The following RTP1 variants were observed in gnomAD, a reference collection of about 807,000 sequenced individuals.
RTP1 encodes the protein receptor transporter protein 1.
In RTP1, 24 loss-of-function variants were observed where a neutral mutation model predicts 27.1. The observed-to-expected ratio is 0.89, with a 90% CI of 0.64 to 1.25. The LOEUF (loss-of-function observed/expected upper bound fraction) is 1.25. RTP1 is among the 50% of genes most tolerant of loss of function. RTP1 has a pLI of 0.00. For synonymous variants in RTP1, 148 were observed against 148.1 expected (o/e 1.00, Z 0.00); for missense variants, 338 against 351.6 (o/e 0.96, Z 0.31).
chr3:187,200,181 T>C lies in RTP1; in HGVS notation c.*111T>C, dbSNP rs1164135476. The C allele has an allele frequency of 2.1e-6, 2 of 932,754 alleles. No homozygotes were observed. Among genetic ancestry groups the C allele is most frequent in the Non-Finnish European group, 3.0e-6 (2 of 661,800 alleles). The allele number at this position is 932,754 out of a possible 1,614,324, so 57.8% of individuals were successfully genotyped here. A position where few individuals can be genotyped will look rare whatever the true frequency, so the allele number is the denominator to read the frequency against. ...AAACTTCTAGCGCTGGTGATGTCAC[T>C]GACTCAGTGGGGATCTTGGACAAAT... is the stretch of plus-strand genomic sequence containing the variant. On this transcript the variant is annotated 3_prime_UTR_variant, in exon 2 of 2. Coordinates refer to ENST00000312295, the MANE Select transcript of RTP1 (RefSeq NM_153708.3).
rs1721666184 is a variant in RTP1 at position 187,199,592 on chromosome 3, A to G, written c.314A>G (p.Tyr105Cys). The G allele has an allele frequency of 6.2e-7, 1 of 1,604,892 alleles. No homozygotes were observed. Among genetic ancestry groups the G allele is most frequent in the Non-Finnish European group, 8.5e-7 (1 of 1,172,876 alleles). The change falls in exon 2 of 2, where the codon TAC (tyrosine) becomes TGC (cysteine). Residue 105 changes from tyrosine (Y) to cysteine (C), a missense_variant. Physicochemically the swap from Tyr to Cys is radical, Grantham distance 194. Around this residue, in one of 3 missense-constraint regions of RTP1, gnomAD observed 252 missense variants for 231.5 expected, o/e 1.09. Transcript: ENST00000312295. ...SWCWHTWQSP[Y>C]VVILFHMFLD... ...TGCTGGCACACCTGGCAGTCGCCCTACGTGGTCATCCTCTTCCACATGTTC... is the reference window on the plus strand; with the variant it reads ...TGCTGGCACACCTGGCAGTCGCCCTGCGTGGTCATCCTCTTCCACATGTTC...
In RTP1 at chr3:187,199,720, G is replaced by A. The variant is rs780588887; in HGVS notation, c.442G>A (p.Glu148Lys). The A allele has an allele frequency of 1.9e-6, 3 of 1,613,438 alleles. No homozygotes were observed. Among genetic ancestry groups the A allele is most frequent in the Middle Eastern group, 1.6e-4 (1 of 6,062 alleles). Reference protein sequence around the residue: ...ARLDESSMLEENIEGLVDNLI... With the variant: ...ARLDESSMLEKNIEGLVDNLI... ...GCTGGACGAGTCCAGCATGCTGGAGGAGAACATCGAGGGCCTGGTGGACAA... is the reference window on the plus strand; with the variant it reads ...GCTGGACGAGTCCAGCATGCTGGAGAAGAACATCGAGGGCCTGGTGGACAA... The change falls in exon 2 of 2, where the codon GAG (glutamate) becomes AAG (lysine). Residue 148 changes from glutamate (E) to lysine (K), a missense_variant. Coordinates refer to ENST00000312295, the MANE Select transcript of RTP1 (RefSeq NM_153708.3).
At chr3:187,198,449 T>C (rs1198906692) in intron 1 of RTP1, 3 of 152,350 alleles carry the variant, frequency 2.0e-5, no homozygotes, top group Non-Finnish European at 2.9e-5. Flanking sequence ...AGAAGAGTTC[T>C]AGGTGATTAG....
chr3:187,199,378 A>T, intron 1 of RTP1, 173 bp from the exon 2 acceptor site: 1 of 632,864 alleles, frequency 1.6e-6, no homozygotes, highest in Non-Finnish European at 2.7e-6. Context: ...TCCTAGGGGC[A>T]CTTGCAAGGC....
At chr3:187,199,270 C>T (rs1025446558) in intron 1 of RTP1, 5 of 436,048 alleles carry the variant, frequency 1.1e-5, no homozygotes, top group African/African-American at 5.8e-5. Context: ...ATAAGAATGA[C>T]GCCCAATGCT....
At position 187,199,779 on chromosome 3, in the gene RTP1, C is replaced by T. The variant is rs189472632; in HGVS notation, c.501C>T (p.Gly167=). The T allele has an allele frequency of 1.1e-5, 17 of 1,613,284 alleles. No individual in the cohort carries two copies. Among genetic ancestry groups the T allele is most frequent in the African/African-American group, 9.3e-5 (7 of 75,054 alleles). ...LITSLREQCY[G]ERGGQYRIHV... ...CCAGCCTGCGCGAGCAGTGCTACGG[C>T]GAGCGTGGCGGCCAGTACCGCATCC... The change falls in exon 2 of 2, where the codon GGC becomes GGT. Residue 167 remains glycine (G), a synonymous_variant. Transcript: ENST00000312295.
In RTP1 at chr3:187,200,154, G is replaced by T; in HGVS notation, c.*84G>T. 1 of 1,266,358 alleles carries T rather than the reference G, an allele frequency of 7.9e-7. No individual in the cohort carries two copies. The highest frequency in any genetic ancestry group is 2.4e-5 in the East Asian group (1 of 41,970). The allele number at this position is 1,266,358 out of a possible 1,614,324, so 78.4% of individuals were successfully genotyped here. Reference sequence around the variant, plus strand: ...AGGAGAGACGTGGGTTGAGAATAGTGTAAACTTCTAGCGCTGGTGATGTCA... The same window carrying T: ...AGGAGAGACGTGGGTTGAGAATAGTTTAAACTTCTAGCGCTGGTGATGTCA... On this transcript the variant is annotated 3_prime_UTR_variant, in exon 2 of 2. Coordinates refer to ENST00000312295, the MANE Select transcript of RTP1 (RefSeq NM_153708.3).
chr3:187,197,965 G>A (rs1721633477), intron 1 of RTP1, 178 bp downstream of exon 1: 1 of 609,588 alleles, frequency 1.6e-6, no homozygotes, highest in African/African-American at 1.8e-5. Flanking sequence ...CGACACTTGA[G>A]TTGGATTTCA....
rs752765295 is a variant in RTP1, at chr3:187,199,702, G to A, written c.424G>A (p.Glu142Lys). Residue 142 changes from glutamate (E) to lysine (K), a missense_variant, in exon 2 of 2, where the codon GAG becomes AAG. Physicochemically the swap from Glu to Lys is moderately conservative, Grantham distance 56. Around this residue, in one of 3 missense-constraint regions of RTP1, gnomAD observed 252 missense variants for 231.5 expected, o/e 1.09. Transcript: ENST00000312295. ...CYECGTARLD[E>K]SSMLEENIEG... is the part of the protein sequence containing the mutation. ...TGAGTGCGGCACGGCGCGGCTGGAC[G>A]AGTCCAGCATGCTGGAGGAGAACAT... The A allele has an allele frequency of 1.9e-6, 3 of 1,613,062 alleles. No homozygotes were observed. Among genetic ancestry groups the A allele is most frequent in the African/African-American group, 1.3e-5 (1 of 75,038 alleles).
At chr3:187,198,641 C>T (rs1360965104) in intron 1 of RTP1, 1 of 152,194 alleles carries the variant, frequency 6.6e-6, no homozygotes, top group African/African-American at 2.4e-5. Flanking sequence ...TTACTGGGCA[C>T]CTGTTACGTG....
Position 187,200,693 on chromosome 3 carries a change from A to C in RTP1, c.*623A>C, listed in dbSNP as rs1226817289. On this transcript the variant is annotated 3_prime_UTR_variant, in exon 2 of 2. Coordinates refer to ENST00000312295, the MANE Select transcript of RTP1 (RefSeq NM_153708.3). ...GCAGCAGAGGTTTCCCTTGAAGTGC[A>C]AGAGGTGGGAGATCAGGCTGTTCCT... is the stretch of plus-strand genomic sequence containing the variant. 6.6e-6 allele frequency: 1 copy of C among 152,120 alleles called. No individual in the cohort carries two copies. The highest frequency in any genetic ancestry group is 2.4e-5 in the African/African-American group (1 of 41,412). The allele number at this position is 152,120 out of a possible 1,614,324, so 9.4% of individuals were successfully genotyped here. A position where few individuals can be genotyped will look rare whatever the true frequency, so the allele number is the denominator to read the frequency against.
Position 187,199,942 on chromosome 3 carries a change from A to G in RTP1, c.664A>G (p.Ser222Gly). 1 of 1,595,904 alleles carries G rather than the reference A, an allele frequency of 6.3e-7. No homozygotes were observed. Among genetic ancestry groups the G allele is most frequent in the African/African-American group, 1.3e-5 (1 of 74,604 alleles). The change falls in exon 2 of 2, where the codon AGC becomes GGC. Residue 222 changes from serine (S) to glycine (G), a missense_variant. Physicochemically the swap from Ser to Gly is moderately conservative, Grantham distance 56. Around this residue, in one of 3 missense-constraint regions of RTP1, gnomAD observed 252 missense variants for 231.5 expected, o/e 1.09. Coordinates refer to ENST00000312295, the MANE Select transcript of RTP1 (RefSeq NM_153708.3). ...CACCTACACCTTCTCCCGGGCGCCC[A>G]GCCCCACCAAGTCGCAGGACCAGAC... ...ATTYTFSRAP[S>G]PTKSQDQTGS...
chr3:187,199,300 C>G, intron 1 of RTP1: 1 of 479,844 alleles, frequency 2.1e-6, no homozygotes, highest in Non-Finnish European at 3.7e-6. Context: ...GGAGTTAGGC[C>G]TCTGGAAAGC....
rs1177763800 is a variant in RTP1 at position 187,199,701 on chromosome 3, C to T, written c.423C>T (p.Asp141=). The change falls in exon 2 of 2, where the codon GAC becomes GAT. Residue 141 remains aspartate, a synonymous_variant. Transcript: ENST00000312295. ...ATGAGTGCGGCACGGCGCGGCTGGA[C>T]GAGTCCAGCATGCTGGAGGAGAACA... ...LCYECGTARL[D]ESSMLEENIE... 5.0e-6 allele frequency: 8 copies of T among 1,612,840 alleles called. No homozygotes were observed. Among genetic ancestry groups the T allele is most frequent in the Non-Finnish European group, 6.8e-6 (8 of 1,179,074 alleles).
chr3:187,199,452 A>G, intron 1 of RTP1, 99 bp from the exon 2 acceptor site: 2 of 1,344,748 alleles, frequency 1.5e-6, no homozygotes, highest in South Asian at 1.4e-5. Context: ...CTCCACCTCC[A>G]GGCTCTGCTT....
intron 1 of RTP1, chr3:187,198,832 G>A (rs1026319587): frequency 6.6e-6 from 1 of 152,286 alleles, no homozygotes; most frequent in Non-Finnish European, 1.5e-5. Flanking sequence ...TGAACAAGAA[G>A]AGAATGAAAA....
Position 187,197,627 on chromosome 3 carries a change from T to A in RTP1, c.112T>A (p.Cys38Ser). 1.2e-6 allele frequency: 2 copies of A among 1,614,138 alleles called. No homozygotes were observed. The highest frequency in any genetic ancestry group is 1.7e-6 in the Non-Finnish European group (2 of 1,180,008). The change falls in exon 1 of 2, where the codon TGT becomes AGT. Residue 38 changes from cysteine to serine, a missense_variant. By Grantham distance (112) the Cys-to-Ser change is moderately radical. Transcript: ENST00000312295. ...TTCCCTCACTACTGACGAGACCATG[T>A]GTAAAAGCGTGACCACAGATGAGTG... ...LPSLTTDETM[C>S]KSVTTDEWKK... is the part of the protein sequence containing the mutation.
chr3:187,201,108 T>TC lies in RTP1; in HGVS notation c.*1043dup, dbSNP rs1721711037. ...GAGGCCTCTTGCCAAAGATCAGCTG[T>TC]CCCCCTAAAGCCACAGGGATGGGGT... On this transcript the variant is annotated 3_prime_UTR_variant, in exon 2 of 2. Transcript: ENST00000312295. The TC allele has an allele frequency of 1.3e-5, 2 of 152,092 alleles. No individual in the cohort carries two copies. Among genetic ancestry groups the TC allele is most frequent in the South Asian group, 2.1e-4 (1 of 4,812 alleles). The allele number at this position is 152,092 out of a possible 1,614,324, so 9.4% of individuals were successfully genotyped here. A position where few individuals can be genotyped will look rare whatever the true frequency, so the allele number is the denominator to read the frequency against.
rs751274424 is a variant in RTP1 at position 187,199,991 on chromosome 3, C to G, written c.713C>G (p.Ser238Cys). 6.4e-7 allele frequency: 1 copy of G among 1,569,386 alleles called. No individual in the cohort carries two copies. ...DQTGSGWNFC[S>C]IPWCLFWATV... ...ACGGGCTCAGGCTGGAACTTCTGCTCTATCCCCTGGTGCTTGTTTTGGGCC... is the reference window on the plus strand; with the variant it reads ...ACGGGCTCAGGCTGGAACTTCTGCTGTATCCCCTGGTGCTTGTTTTGGGCC... Residue 238 changes from serine (S) to cysteine (C), a missense_variant, in exon 2 of 2, where the codon TCT becomes TGT. Coordinates refer to ENST00000312295, the MANE Select transcript of RTP1 (RefSeq NM_153708.3).
Sources: gnomAD v4.1 joint callset for allele counts on GRCh38, gnomAD v4.1.1 for gene constraint, gnomAD v4.1.1 regional missense constraint, MANE v1.5 for transcripts, NCBI Gene and HGNC (gene_info 2026-07-23, HGNC 2026-07-21) for gene names.